The following PCCB variants were observed in gnomAD, a reference collection of about 807,000 sequenced individuals.
The protein encoded by PCCB is propionyl-CoA carboxylase subunit beta.
Under a neutral mutation model 60.7 loss-of-function variants are expected in PCCB, and 43 were observed. The observed-to-expected ratio is 0.71, with a 90% confidence interval of 0.55 to 0.91. PCCB has a LOEUF of 0.91. PCCB is among the 40% of genes least tolerant of loss of function. PCCB has a pLI of 0.00. For missense variants in PCCB, 766 were observed against 702.8 expected (o/e 1.09, Z -1.02); for synonymous variants, 276 against 255.9 (o/e 1.08, Z -0.75).
intron 9 of PCCB, among the ~76,000 whole-genome samples, chr3:136,314,657 G>GAAAAAC (rs1382186408): frequency 6.6e-6 from 1 of 151,716 alleles, no homozygotes; most frequent in Non-Finnish European, 1.5e-5. Flanking sequence ...CCTGTCTCAA[G>GAAAAAC]AAAAACAAAA....
At chr3:136,298,914 G>C (rs1028081598) in intron 8 of PCCB, among the ~76,000 whole-genome samples, 1 of 152,226 alleles carries the variant, frequency 6.6e-6, no homozygotes, top group Non-Finnish European at 1.5e-5. Context: ...GTCTGGGCCA[G>C]GGATGCTCTG....
chr3:136,285,071 A>G (rs909400550), intron 6 of PCCB, among the ~76,000 whole-genome samples: 2 of 141,460 alleles, frequency 1.4e-5, no homozygotes, highest in African/African-American at 5.4e-5. Flanking sequence ...TCTGGGTGAC[A>G]GAGGAAGACC....
At chr3:136,255,121 G>A (rs1270849839) in intron 1 of PCCB, among the ~76,000 whole-genome samples, 3 of 152,078 alleles carry the variant, frequency 2.0e-5, no homozygotes, top group Middle Eastern at 3.4e-3. Context: ...TGATCCACCC[G>A]CCTCTGCCTC....
rs986501521 is a variant in PCCB, at chr3:136,254,448, C to T, written c.184-1408C>T. On this transcript the variant is annotated intron_variant, in intron 1 of 14. Coordinates refer to ENST00000251654, the MANE Select transcript of PCCB (RefSeq NM_000532.5). ...TGTTAGCCAGGATGGTCTCGATCTC[C>T]TGACCTCATGATCCGCCTGCCTTGG... is the stretch of plus-strand genomic sequence containing the variant. Among the ~76,000 whole-genome samples the T allele has an allele frequency of 3.4e-5, 5 of 149,206 alleles. No homozygotes were observed. In the South Asian group the frequency reaches 6.4e-4, roughly 19 times the overall value.
chr3:136,273,911 C>T (rs1300190364), intron 5 of PCCB, among the ~76,000 whole-genome samples: 1 of 55,512 alleles, frequency 1.8e-5, no homozygotes, highest in Admixed American at 2.8e-4. Context: ...GACTCTGTCT[C>T]AAAAAAAAAA....
intron 9 of PCCB, 65 bp downstream of exon 9, chr3:136,301,176 G>A (rs1184679257): frequency 4.6e-6 from 6 of 1,305,146 alleles, no homozygotes; most frequent in Non-Finnish European, 6.7e-6. Context: ...TTGTGCTTCG[G>A]CTTAGTGAGG....
Position 136,327,053 on chromosome 3 carries a change from A to G in PCCB, c.1199-102A>G, listed in dbSNP as rs1935343435. ...GGTGTCCAGAAGATAGGGCTGTGTAAGGAATGGCCCTCTCCAGAGGTGGGA... is the reference window on the plus strand; with the variant it reads ...GGTGTCCAGAAGATAGGGCTGTGTAGGGAATGGCCCTCTCCAGAGGTGGGA... On this transcript the variant is annotated intron_variant, in intron 11 of 14. Coordinates refer to ENST00000251654, the MANE Select transcript of PCCB (RefSeq NM_000532.5). 3 of 1,209,576 alleles carry G rather than the reference A, an allele frequency of 2.5e-6. No homozygotes were observed. The East Asian group carries it at 7.0e-5, about 28-fold the overall frequency. The allele number at this position is 1,209,576 out of a possible 1,614,324, so 74.9% of individuals were successfully genotyped here.
At chr3:136,277,485 T>G (rs1202699356) in intron 5 of PCCB, among the ~76,000 whole-genome samples, 1 of 151,900 alleles carries the variant, frequency 6.6e-6, no homozygotes, top group Non-Finnish European at 1.5e-5. Context: ...CTGCCAAAAG[T>G]TTCTGTCCTT....
At chr3:136,251,385 G>A (rs1576398401) in intron 1 of PCCB, 2 of 451,806 alleles carry the variant, frequency 4.4e-6, no homozygotes, top group East Asian at 1.4e-4. Flanking sequence ...CCAACGGGAA[G>A]GTGCAGAAGT....
At chr3:136,252,343 T>G (rs1941540257) in intron 1 of PCCB, 2 of 455,254 alleles carry the variant, frequency 4.4e-6, no homozygotes, top group Non-Finnish European at 4.4e-6. Context: ...GCTTCCCAGC[T>G]TCAAGCAATT....
At chr3:136,296,397 A>G (rs1277387070) in intron 7 of PCCB, among the ~76,000 whole-genome samples, 2 of 152,230 alleles carry the variant, frequency 1.3e-5, no homozygotes, top group Non-Finnish European at 2.9e-5. Flanking sequence ...TTTACTTAGC[A>G]TAATGTTGTT....
In PCCB at chr3:136,285,376, T is replaced by G. The variant is rs908608409; in HGVS notation, c.654+1429T>G. Among the ~76,000 whole-genome samples the G allele has an allele frequency of 5.3e-5, 8 of 152,304 alleles. No individual in the cohort carries two copies. In the East Asian group the frequency reaches 1.5e-3, roughly 29 times the overall value. On this transcript the variant is annotated intron_variant, in intron 6 of 14. Transcript: ENST00000251654. ...TCCTTTCTCTTTAGTATCTTCAGTC[T>G]GTCCGTTGGTACTAGATCCTCCCAT... is the stretch of plus-strand genomic sequence containing the variant.
rs1420236577 is a variant in PCCB at position 136,299,754 on chromosome 3, G to A, written c.885-1276G>A. Among the ~76,000 whole-genome samples the A allele has an allele frequency of 2.0e-5, 3 of 146,586 alleles. No homozygotes were observed. In the South Asian group the frequency reaches 6.3e-4, roughly 31 times the overall value. ...TGCATGTGTATGTATAGGTATGCAT[G>A]TGTGTGTATGTATAGGTATGCATGT... On this transcript the variant is annotated intron_variant, in intron 8 of 14. Transcript: ENST00000251654.
intron 5 of PCCB, among the ~76,000 whole-genome samples, chr3:136,277,113 T>G: frequency 6.6e-6 from 1 of 151,922 alleles, no homozygotes; most frequent in East Asian, 1.9e-4. Flanking sequence ...CTGATGGGAG[T>G]GTCAGGTGAG....
At chr3:136,302,863 C>A (rs906296238) in intron 9 of PCCB, among the ~76,000 whole-genome samples, 2 of 121,602 alleles carry the variant, frequency 1.6e-5, no homozygotes, top group Non-Finnish European at 3.7e-5. Context: ...GCAGGAGGAT[C>A]CTTTCATGCC....
At position 136,329,670 on chromosome 3, in the gene PCCB, G is replaced by A. The variant is rs532208735; in HGVS notation, c.1499-235G>A. On this transcript the variant is annotated intron_variant, in intron 14 of 14. Transcript: ENST00000251654. ...ATTGGAGCAAGCAGGGTATAGGGAG[G>A]GTGTCCGATTTTCCTTTTCTTGCCA... is the stretch of plus-strand genomic sequence containing the variant. 9.2e-5 allele frequency among the ~76,000 whole-genome samples: 14 copies of A among 152,250 alleles called. No individual in the cohort carries two copies. The East Asian group carries it at 2.7e-3, about 29-fold the overall frequency.
At chr3:136,323,748 G>A (rs1021744318) in intron 10 of PCCB, among the ~76,000 whole-genome samples, 4 of 149,536 alleles carry the variant, frequency 2.7e-5, no homozygotes, top group East Asian at 2.0e-4. Context: ...TGGCGCCATT[G>A]CACTCCAGCC....
In PCCB at chr3:136,261,995, T is replaced by A; in HGVS notation, c.473T>A (p.Leu158Gln). 6 of 1,562,246 alleles carry A rather than the reference T, an allele frequency of 3.8e-6. No individual in the cohort carries two copies. The highest frequency in any genetic ancestry group is 5.2e-6 in the Non-Finnish European group (6 of 1,152,044). ...AITVGAPVIG[L>Q]NDSGGARIQE... ...ACGGTGGGGGCTCCAGTGATTGGGC[T>A]GAATGACTCTGGGGGAGCACGGATC... Residue 158 changes from leucine (L) to glutamine (Q), a missense_variant, in exon 5 of 15, where the codon CTG becomes CAG. Physicochemically the swap from Leu to Gln is moderately radical, Grantham distance 113. Transcript: ENST00000251654.
chr3:136,289,138 A>G (rs138992570), intron 6 of PCCB, among the ~76,000 whole-genome samples: 67 of 152,266 alleles, frequency 4.4e-4, no homozygotes, highest in African/African-American at 1.6e-3. Flanking sequence ...GATTATAGGC[A>G]TGAGACACTG....
Sources: gnomAD v4.1 joint callset for allele counts (sites outside exome capture counted in the v4.1 genomes callset) on GRCh38, gnomAD v4.1.1 for gene constraint, MANE v1.5 for transcripts, NCBI Gene and HGNC (gene_info 2026-07-23, HGNC 2026-07-21) for gene names.